PRKN: variants seen among roughly 807,000 people sequenced by gnomAD.
The protein encoded by PRKN is parkin RBR E3 ubiquitin protein ligase.
PRKN carries 56 observed loss-of-function variants against 59.5 expected under a neutral mutation model. The ratio of observed to expected loss-of-function variants is 0.94; its 90% CI spans 0.76 to 1.18. The LOEUF (loss-of-function observed/expected upper bound fraction) is 1.18, where lower values mean the gene tolerates loss of function less well. Among genes scored for constraint, PRKN ranks in the 50% most tolerant of loss-of-function variants. PRKN has a pLI of 0.00. For synonymous variants in PRKN, 250 were observed against 222.1 expected (o/e 1.13, Z -1.12); for missense variants, 657 against 596.4 (o/e 1.10, Z -1.06).
chr6:162,102,097 C>T (rs946616866), intron 4 of PRKN, among the ~76,000 whole-genome samples: 2 of 152,136 alleles, frequency 1.3e-5, no homozygotes, highest in East Asian at 1.9e-4. Flanking sequence ...CATAGGTAAA[C>T]GTGTGCCACG....
chr6:161,776,256 G>A (rs1415292172), intron 7 of PRKN, among the ~76,000 whole-genome samples: 1 of 152,164 alleles, frequency 6.6e-6, no homozygotes, highest in Non-Finnish European at 1.5e-5. Context: ...GATGCAGAGG[G>A]TGCTTCATCA....
At chr6:162,641,581 A>G (rs898157258) in intron 1 of PRKN, among the ~76,000 whole-genome samples, 1 of 152,120 alleles carries the variant, frequency 6.6e-6, no homozygotes, top group Non-Finnish European at 1.5e-5. Context: ...GTTTACATTT[A>G]TTTATCTTGT....
chr6:162,394,047 A>T (rs928713433), intron 2 of PRKN, among the ~76,000 whole-genome samples: 2 of 152,062 alleles, frequency 1.3e-5, no homozygotes, highest in Non-Finnish European at 2.9e-5. Flanking sequence ...AGTATCCAAA[A>T]TTTTTTTTGT....
intron 5 of PRKN, among the ~76,000 whole-genome samples, chr6:162,023,996 T>A (rs1783316747): frequency 6.6e-6 from 1 of 152,160 alleles, no homozygotes; most frequent in African/African-American, 2.4e-5. Flanking sequence ...TGGTTCCATA[T>A]CAATTTTAGA....
At chr6:162,099,067 T>C (rs182015463) in intron 4 of PRKN, among the ~76,000 whole-genome samples, 6 of 152,322 alleles carry the variant, frequency 3.9e-5, no homozygotes, top group Non-Finnish European at 7.3e-5. Flanking sequence ...ACAGTACATA[T>C]ACATACTTGT....
chr6:162,333,089 G>A (rs902206634), intron 2 of PRKN, among the ~76,000 whole-genome samples: 4 of 151,952 alleles, frequency 2.6e-5, no homozygotes, highest in Non-Finnish European at 4.4e-5. Context: ...ATTTTGCCCT[G>A]TTACTATACT....
intron 4 of PRKN, among the ~76,000 whole-genome samples, chr6:162,162,278 T>C (rs1213319056): frequency 6.6e-6 from 1 of 152,154 alleles, no homozygotes; most frequent in African/African-American, 2.4e-5. Flanking sequence ...TTACATAGCA[T>C]TTAAATTGTA....
chr6:162,031,367 T>C (rs1477828009), intron 5 of PRKN, among the ~76,000 whole-genome samples: 4 of 151,930 alleles, frequency 2.6e-5, no homozygotes, highest in African/African-American at 9.7e-5. Context: ...TCGATCATTA[T>C]TGGTTGAGCC....
At chr6:162,667,696 C>A (rs893437439) in intron 1 of PRKN, among the ~76,000 whole-genome samples, 4 of 152,068 alleles carry the variant, frequency 2.6e-5, no homozygotes, top group Non-Finnish European at 4.4e-5. Context: ...ATAGCATACA[C>A]AGGGCATAGT....
intron 4 of PRKN, among the ~76,000 whole-genome samples, chr6:162,178,543 C>A (rs1783642314): frequency 6.6e-6 from 1 of 152,162 alleles, no homozygotes; most frequent in African/African-American, 2.4e-5. Context: ...CAATTAAATC[C>A]CTCAAGTACC....
At chr6:161,637,402 C>T (rs1783565343) in intron 7 of PRKN, among the ~76,000 whole-genome samples, 1 of 147,842 alleles carries the variant, frequency 6.8e-6, no homozygotes, top group Admixed American at 6.7e-5. Context: ...TGTGTAAGAA[C>T]AAAAACTTTT....
intron 5 of PRKN, among the ~76,000 whole-genome samples, chr6:162,025,217 G>A (rs1478142623): frequency 3.3e-5 from 5 of 151,754 alleles, no homozygotes; most frequent in Non-Finnish European, 7.4e-5. Flanking sequence ...GGGTTTCACC[G>A]TGGTCTCGAT....
At chr6:162,014,890 T>G (rs554234590) in intron 5 of PRKN, among the ~76,000 whole-genome samples, 1 of 152,212 alleles carries the variant, frequency 6.6e-6, no homozygotes, top group South Asian at 2.1e-4. Flanking sequence ...TTTTCCCAGC[T>G]GCATAGTACT....
chr6:161,689,858 G>A (rs1403328936), intron 7 of PRKN, among the ~76,000 whole-genome samples: 1 of 151,874 alleles, frequency 6.6e-6, no homozygotes, highest in Non-Finnish European at 1.5e-5. Flanking sequence ...TTACATACAG[G>A]TGCCACCACA....
rs1335235505 is a variant in PRKN, at chr6:161,468,847, C to A, written c.1083+80007G>T. 1.3e-5 allele frequency among the ~76,000 whole-genome samples: 2 copies of A among 152,160 alleles called. No homozygotes were observed. Among genetic ancestry groups the A allele is most frequent in the Non-Finnish European group, 2.9e-5 (2 of 68,040 alleles). On this transcript the variant is annotated intron_variant, in intron 9 of 11. Transcript: ENST00000366898. This position sits in a 1 kb window ranked among gnomAD's most constrained non-coding sequence, Gnocchi z 5.9. ...GAAGGCCCTCATGCTCACTGTCAGC[C>A]TATACACCTGTCAGTCCTTCCCATA...
intron 4 of PRKN, among the ~76,000 whole-genome samples, chr6:162,133,875 C>G (rs186433203): frequency 6.6e-6 from 1 of 151,974 alleles, no homozygotes; most frequent in African/African-American, 2.4e-5. Context: ...AAATGACAGG[C>G]TAGAGTGGGA....
At chr6:161,449,984 C>T (rs957879286) in intron 9 of PRKN, among the ~76,000 whole-genome samples, 1 of 152,200 alleles carries the variant, frequency 6.6e-6, no homozygotes, top group African/African-American at 2.4e-5. Context: ...TACTCATTCT[C>T]CCTACAGCTG....
Position 161,588,020 on chromosome 6 carries a change from C to T in PRKN, c.872-18604G>A, listed in dbSNP as rs1292461257. Among the ~76,000 whole-genome samples, 1 of 152,114 alleles carries T rather than the reference C, an allele frequency of 6.6e-6. No individual in the cohort carries two copies. The highest frequency in any genetic ancestry group is 1.5e-5 in the Non-Finnish European group (1 of 68,030). On this transcript the variant is annotated intron_variant, in intron 7 of 11. Transcript: ENST00000366898. The surrounding 1 kb of genome is among the most constrained non-coding windows in gnomAD (Gnocchi z 5.0). ...CAGAGTAAAATTTTAGCTCTTGGGA[C>T]TGCTACAGAAATATTCTATAAGCAT...
chr6:162,215,186 A>G (rs1777586983), intron 3 of PRKN, among the ~76,000 whole-genome samples: 1 of 152,210 alleles, frequency 6.6e-6, no homozygotes, highest in Admixed American at 6.5e-5. Context: ...TATCCCATAG[A>G]TAATTTTATC....
Sources: allele counts gnomAD v4.1 joint callset (sites outside exome capture counted in the v4.1 genomes callset), GRCh38; gene constraint gnomAD v4.1.1; non-coding constraint Gnocchi (gnomAD v3.1); transcripts MANE v1.5; gene names NCBI Gene and HGNC (gene_info 2026-07-23, HGNC 2026-07-21).